Variants in COL5A2 observed in about 807,000 individuals in gnomAD.
COL5A2 encodes the protein collagen alpha-2(V) chain.
COL5A2 carries 23 observed loss-of-function variants against 208.2 expected under a neutral mutation model. That is an observed-to-expected ratio of 0.11 (90% CI 0.08 to 0.16). The LOEUF is 0.16. COL5A2 is among the 10% of genes least tolerant of loss of function. The pLI is 1.00. For synonymous variants in COL5A2, 625 were observed against 628.5 expected (o/e 0.99, Z 0.08); for missense variants, 1,590 against 1,956.4 (o/e 0.81, Z 3.53).
chr2:189,051,588 T>A, intron 41 of COL5A2, 107 bp from the exon 42 acceptor site: 1 of 974,698 alleles, frequency 1.0e-6, no homozygotes, highest in African/African-American at 1.7e-5. Flanking sequence ...GCCTCGCAGG[T>A]TCATTTTACC....
At chr2:189,192,475 T>C (rs532726121) in intron 1 of COL5A2, among the ~76,000 whole-genome samples, 2 of 152,280 alleles carry the variant, frequency 1.3e-5, no homozygotes, top group South Asian at 2.1e-4. Context: ...CTTATTTGCA[T>C]AATGAAATGG....
At chr2:189,337,100 T>C in the COL5A2 span, among the ~76,000 whole-genome samples, 2 of 152,158 alleles carry the variant, frequency 1.3e-5, no homozygotes, top group Non-Finnish European at 1.5e-5. Flanking sequence ...CTGGATTAAA[T>C]GACCCCAGTG....
chr2:189,381,557 A>G, the COL5A2 span, among the ~76,000 whole-genome samples: 1 of 151,962 alleles, frequency 6.6e-6, no homozygotes, highest in African/African-American at 2.4e-5. Context: ...TTAAATGTTG[A>G]TAAAGAGGGT....
Position 189,092,170 on chromosome 2 carries a change from T to C in COL5A2, c.567+140A>G, listed in dbSNP as rs531594592. On this transcript the variant is annotated intron_variant, in intron 7 of 53. Transcript: ENST00000374866. ...CCCTGTGGGTTTATTAGTTCTACTG[T>C]CCATAGCAGTGTTGACCTTATTTAA... 3.6e-4 allele frequency: 256 copies of C among 704,558 alleles called. 6 individuals carry two copies. In the South Asian group the frequency reaches 3.9e-3, roughly 11 times the overall value. 43.6% of individuals were successfully genotyped at this position (704,558 alleles called of 1,614,324 possible).
intron 3 of COL5A2, among the ~76,000 whole-genome samples, chr2:189,101,236 T>G (rs551707711): frequency 5.9e-5 from 9 of 152,220 alleles, no homozygotes; most frequent in Non-Finnish European, 8.8e-5. Context: ...CTAGTTTATT[T>G]TATTTCTCCT....
the COL5A2 span, among the ~76,000 whole-genome samples, chr2:189,393,963 G>A: frequency 6.6e-6 from 1 of 152,132 alleles, no homozygotes; most frequent in Non-Finnish European, 1.5e-5. Context: ...CTCAGCCAAA[G>A]TTTTTATGCT....
At chr2:189,195,168 C>T (rs544696111) in intron 1 of COL5A2, among the ~76,000 whole-genome samples, 61 of 152,136 alleles carry the variant, frequency 4.0e-4, no homozygotes, top group Non-Finnish European at 7.2e-4. Flanking sequence ...CATTCCTATA[C>T]ACCAACAATA....
At chr2:189,103,895 C>T (rs1360583688) in intron 3 of COL5A2, among the ~76,000 whole-genome samples, 1 of 152,006 alleles carries the variant, frequency 6.6e-6, no homozygotes, top group East Asian at 1.9e-4. Flanking sequence ...CTTCCTCCTT[C>T]CCTTCCTCCT....
At chr2:189,194,132 A>G (rs79850376) in intron 1 of COL5A2, among the ~76,000 whole-genome samples, 2,477 of 152,290 alleles carry the variant, frequency 0.016, 22 homozygotes, top group Middle Eastern at 0.031. Context: ...ATCCACCACA[A>G]AAAGTTATTT....
At position 189,063,056 on chromosome 2, in the gene COL5A2, G is replaced by C; in HGVS notation, c.1877C>G (p.Pro626Arg). The C allele has an allele frequency of 6.2e-7, 1 of 1,614,112 alleles. No individual in the cohort carries two copies. The highest frequency in any genetic ancestry group is 1.1e-5 in the South Asian group (1 of 91,084). Residue 626 changes from proline (P) to arginine (R), a missense_variant, in exon 28 of 54, where the codon CCT becomes CGT. Transcript: ENST00000374866. ...ATTTCCTGCTTCTCCAGGTTTCCCAGGGTCACCCTAAAGAATAAATGAAAC... is the reference window on the plus strand; with the variant it reads ...ATTTCCTGCTTCTCCAGGTTTCCCACGGTCACCCTAAAGAATAAATGAAAC... ...LPGPKGSSGDPGKPGEAGNAG... is the reference protein window; with the variant it reads ...LPGPKGSSGDRGKPGEAGNAG...
the COL5A2 span, among the ~76,000 whole-genome samples, chr2:189,391,867 C>T: frequency 6.6e-6 from 1 of 151,890 alleles, no homozygotes; most frequent in African/African-American, 2.4e-5. Flanking sequence ...TAGTTCTTTC[C>T]TTTGGAATGG....
the COL5A2 span, among the ~76,000 whole-genome samples, chr2:189,326,405 G>A: frequency 6.6e-6 from 1 of 152,098 alleles, no homozygotes; most frequent in Non-Finnish European, 1.5e-5. Flanking sequence ...AGACAAGAAG[G>A]TTATTTAGGT....
the COL5A2 span, among the ~76,000 whole-genome samples, chr2:189,316,623 A>C: frequency 1.3e-5 from 2 of 152,132 alleles, no homozygotes. Flanking sequence ...GAGAATGAGG[A>C]AAAATAATGA....
At chr2:189,249,840 G>A in the COL5A2 span, among the ~76,000 whole-genome samples, 9 of 152,210 alleles carry the variant, frequency 5.9e-5, no homozygotes, top group East Asian at 1.7e-3. Context: ...GGCATTATAG[G>A]TGCCCGCCAC....
chr2:189,224,396 C>A (rs1324830852), intron 1 of COL5A2, among the ~76,000 whole-genome samples: 2 of 151,910 alleles, frequency 1.3e-5, no homozygotes, highest in African/African-American at 4.8e-5. Flanking sequence ...TTTTTTAAAA[C>A]TAGAAAATAT....
At chr2:189,318,915 C>T in the COL5A2 span, among the ~76,000 whole-genome samples, 5 of 152,096 alleles carry the variant, frequency 3.3e-5, no homozygotes, top group African/African-American at 1.2e-4. Context: ...AATGGACACC[C>T]TGCATCTGAT....
At chr2:189,056,221 A>G (rs1000440055) in intron 35 of COL5A2, among the ~76,000 whole-genome samples, 1 of 152,228 alleles carries the variant, frequency 6.6e-6, no homozygotes, top group Admixed American at 6.5e-5. Context: ...CAGGGCACAC[A>G]TGACAACTAA....
At chr2:189,161,017 A>C (rs912903291) in intron 1 of COL5A2, among the ~76,000 whole-genome samples, 4 of 151,256 alleles carry the variant, frequency 2.6e-5, no homozygotes, top group Admixed American at 2.0e-4. Flanking sequence ...TTTAGTAGAG[A>C]TGGGGTTGGT....
intron 6 of COL5A2, among the ~76,000 whole-genome samples, chr2:189,093,931 C>T (rs1472092726): frequency 6.6e-6 from 1 of 152,182 alleles, no homozygotes; most frequent in Non-Finnish European, 1.5e-5. Flanking sequence ...TGCTCAGTTG[C>T]TAATTAATAA....
Sources: gnomAD v4.1 joint callset for allele counts (sites outside exome capture counted in the v4.1 genomes callset) on GRCh38, gnomAD v4.1.1 for gene constraint, MANE v1.5 for transcripts, NCBI Gene and HGNC (gene_info 2026-07-23, HGNC 2026-07-21) for gene names.